POFUT3: variants seen among roughly 807,000 people sequenced by gnomAD.
The protein encoded by POFUT3 is protein O-fucosyltransferase 3.
chr8:33,439,666 C>T, the POFUT3 span, among the ~76,000 whole-genome samples: 1 of 151,066 alleles, frequency 6.6e-6, no homozygotes, highest in African/African-American at 2.4e-5. Context: ...AGGAATTCAA[C>T]ACCAGCCTGG....
At chr8:33,389,569 C>T in the POFUT3 span, 2 of 1,614,058 alleles carry the variant, frequency 1.2e-6, no homozygotes, top group African/African-American at 1.3e-5. Flanking sequence ...TGTTTTTGGA[C>T]TGCAAAGGAA....
the POFUT3 span, among the ~76,000 whole-genome samples, chr8:33,468,169 G>A: frequency 2.6e-5 from 4 of 151,888 alleles, no homozygotes; most frequent in Non-Finnish European, 5.9e-5. Context: ...GAACCTGGGA[G>A]GCAGAGGATG....
At chr8:33,404,616 G>C in the POFUT3 span, among the ~76,000 whole-genome samples, 1 of 152,076 alleles carries the variant, frequency 6.6e-6, no homozygotes, top group Non-Finnish European at 1.5e-5. Context: ...TTATTGCTAA[G>C]CCACTTTGGG....
the POFUT3 span, among the ~76,000 whole-genome samples, chr8:33,352,879 A>C: frequency 6.6e-6 from 1 of 152,238 alleles, no homozygotes; most frequent in Non-Finnish European, 1.5e-5. Flanking sequence ...TCTACAACAG[A>C]CATCAAACAA....
the POFUT3 span, among the ~76,000 whole-genome samples, chr8:33,377,231 C>CA: frequency 3.0e-3 from 310 of 103,416 alleles, no homozygotes; most frequent in South Asian, 7.4e-3. Context: ...GACTCTGTCT[C>CA]AAAAAAAAAA....
At chr8:33,316,750 A>AAG in the POFUT3 span, among the ~76,000 whole-genome samples, 1 of 151,494 alleles carries the variant, frequency 6.6e-6, no homozygotes, top group Non-Finnish European at 1.5e-5. Flanking sequence ...TCAAAAAAAA[A>AAG]AAACAAGGAA....
the POFUT3 span, among the ~76,000 whole-genome samples, chr8:33,459,433 AG>A: frequency 6.6e-6 from 1 of 152,164 alleles, no homozygotes; most frequent in Non-Finnish European, 1.5e-5. Flanking sequence ...TGAGCTCAGG[AG>A]TTCAAGACCA....
the POFUT3 span, among the ~76,000 whole-genome samples, chr8:33,319,570 T>TTATAAAATA: frequency 1.2e-4 from 1 of 8,626 alleles, no homozygotes. Context: ...TTATATGTAT[T>TTATAAAATA]TATATATTAT....
At chr8:33,339,144 T>G in the POFUT3 span, among the ~76,000 whole-genome samples, 5 of 152,188 alleles carry the variant, frequency 3.3e-5, no homozygotes, top group Admixed American at 6.5e-5. Context: ...AATTTTTTAA[T>G]GCTCCAATGA....
At chr8:33,309,918 A>T in the POFUT3 span, among the ~76,000 whole-genome samples, 1 of 152,288 alleles carries the variant, frequency 6.6e-6, no homozygotes, top group East Asian at 1.9e-4. Flanking sequence ...CCAACTGTTG[A>T]GGGAAGTCTT....
chr8:33,464,262 G>A, the POFUT3 span, among the ~76,000 whole-genome samples: 1 of 152,088 alleles, frequency 6.6e-6, no homozygotes, highest in African/African-American at 2.4e-5. Flanking sequence ...AACGTTAAAA[G>A]GAAAAATGCT....
At chr8:33,379,866 A>C in the POFUT3 span, among the ~76,000 whole-genome samples, 44 of 129,256 alleles carry the variant, frequency 3.4e-4, no homozygotes, top group Admixed American at 2.7e-4. Context: ...TATATATATA[A>C]TATATATATA....
the POFUT3 span, among the ~76,000 whole-genome samples, chr8:33,472,363 T>C: frequency 6.6e-6 from 1 of 152,156 alleles, no homozygotes; most frequent in Non-Finnish European, 1.5e-5. Flanking sequence ...TAAAGAATCA[T>C]TAAAAGATTC....
chr8:33,380,078 CTATATATACTATATATATACACTA>C, the POFUT3 span, among the ~76,000 whole-genome samples: 16 of 48,132 alleles, frequency 3.3e-4, no homozygotes, highest in Admixed American at 1.3e-3. Flanking sequence ...TATATATACA[CTATATATACTATATATATACACTA>C]TATATATACT....
chr8:33,397,658 CTG>C, the POFUT3 span, among the ~76,000 whole-genome samples: 2 of 152,168 alleles, frequency 1.3e-5, no homozygotes. Flanking sequence ...CTATATAACT[CTG>C]TAGAGGGTTT....
At chr8:33,420,678 G>A in the POFUT3 span, among the ~76,000 whole-genome samples, 1 of 152,040 alleles carries the variant, frequency 6.6e-6, no homozygotes, top group Non-Finnish European at 1.5e-5. Context: ...CTTGCCTCAA[G>A]AAATATAAGT....
the POFUT3 span, among the ~76,000 whole-genome samples, chr8:33,410,600 G>A: frequency 6.6e-6 from 1 of 151,862 alleles, no homozygotes; most frequent in Non-Finnish European, 1.5e-5. Context: ...GGCAAGGTAT[G>A]AGACTCATAG....
chr8:33,438,491 CAGG>C, the POFUT3 span, among the ~76,000 whole-genome samples: 3 of 152,300 alleles, frequency 2.0e-5, no homozygotes, highest in African/African-American at 7.2e-5. Flanking sequence ...GAGGCTGAGG[CAGG>C]AGGATTGCTT....
At chr8:33,330,389 A>G in the POFUT3 span, among the ~76,000 whole-genome samples, 1 of 152,192 alleles carries the variant, frequency 6.6e-6, no homozygotes, top group Non-Finnish European at 1.5e-5. Flanking sequence ...GTTTGCAGTG[A>G]GCCGAGATCA....
Sources: allele counts gnomAD v4.1 joint callset (sites outside exome capture counted in the v4.1 genomes callset), GRCh38; gene constraint gnomAD v4.1.1; transcripts MANE v1.5; gene names NCBI Gene and HGNC (gene_info 2026-07-23, HGNC 2026-07-21).